Variants in COA8 observed in about 807,000 individuals in gnomAD.
COA8 encodes the protein UPF0671 protein C14orf153.
A neutral mutation model predicts 22.0 loss-of-function variants in COA8; 20 were observed. The observed-to-expected ratio is 0.91, with a 90% confidence interval of 0.64 to 1.32. The LOEUF (loss-of-function observed/expected upper bound fraction) is 1.32. Among genes scored for constraint, COA8 ranks in the 40% most tolerant of loss-of-function variants. COA8 has a pLI of 0.00. For synonymous variants in COA8, 105 were observed against 79.9 expected (o/e 1.31, Z -1.68); for missense variants, 266 against 230.0 (o/e 1.16, Z -1.01).
chr14:103,565,557 C>G (rs1225237439), intron 1 of COA8, among the ~76,000 whole-genome samples: 1 of 151,684 alleles, frequency 6.6e-6, no homozygotes, highest in African/African-American at 2.4e-5. Context: ...CAGAGATACT[C>G]CCTTTTAGTT....
chr14:103,587,390 A>T (rs1326499930), intron 4 of COA8, 26 bp downstream of exon 4: 2 of 1,518,948 alleles, frequency 1.3e-6, no homozygotes, highest in Non-Finnish European at 1.8e-6. Flanking sequence ...TTTCCTGAAA[A>T]TTTGAATAGC....
chr14:103,564,153 A>G (rs1250623499), intron 1 of COA8, among the ~76,000 whole-genome samples: 1 of 73,058 alleles, frequency 1.4e-5, no homozygotes, highest in Non-Finnish European at 3.6e-5. Context: ...CTTCATCTCA[A>G]AAAAAAAAAA....
intron 3 of COA8, among the ~76,000 whole-genome samples, chr14:103,576,709 T>C (rs1276644455): frequency 6.6e-6 from 1 of 152,202 alleles, no homozygotes; most frequent in Non-Finnish European, 1.5e-5. Flanking sequence ...TTATCCCTCC[T>C]AAGTTCAAAG....
At position 103,571,762 on chromosome 14, in the gene COA8, A is replaced by G. The variant is rs748327463; in HGVS notation, c.263A>G (p.Gln88Arg). 2.2e-5 allele frequency: 35 copies of G among 1,614,090 alleles called. No individual in the cohort carries two copies. Among genetic ancestry groups the G allele is most frequent in the Non-Finnish European group, 2.4e-5 (28 of 1,180,042 alleles). Residue 88 changes from glutamine to arginine, a missense_variant, in exon 2 of 5, where the codon CAA becomes CGA. Physicochemically the swap from Gln to Arg is conservative, Grantham distance 43. Transcript: ENST00000409074. ...PLEQKLRKLR[Q>R]ETQEWNQQFW... ...GAACAAAAGCTTAGAAAATTAAGAC[A>G]AGAAACACAAGAATGGAATCAACAG... is the stretch of plus-strand genomic sequence containing the variant.
rs1000965530 is a variant in COA8, at chr14:103,590,584, T to A, written c.*298T>A. 1.2e-4 allele frequency: 30 copies of A among 251,746 alleles called. No individual in the cohort carries two copies. Among genetic ancestry groups the A allele is most frequent in the Middle Eastern group, 2.7e-3 (2 of 742 alleles). 15.6% of individuals were successfully genotyped at this position (251,746 alleles called of 1,614,324 possible). ...TTCAAAACAGAACTATTTAAAAATA[T>A]TGGCCAGGCACGGTGGCTCACACCT... On this transcript the variant is annotated 3_prime_UTR_variant, in exon 5 of 5. Coordinates refer to ENST00000409074, the MANE Select transcript of COA8 (RefSeq NM_001370595.2).
chr14:103,582,362 T>C (rs2076273963), intron 3 of COA8, among the ~76,000 whole-genome samples: 1 of 152,072 alleles, frequency 6.6e-6, no homozygotes, highest in African/African-American at 2.4e-5. Flanking sequence ...GGTCCTGCCC[T>C]GTGGCCTTCC....
chr14:103,577,268 GT>G, intron 3 of COA8, among the ~76,000 whole-genome samples: 1 of 152,090 alleles, frequency 6.6e-6, no homozygotes, highest in South Asian at 2.1e-4. Flanking sequence ...CGTAGACGGA[GT>G]TTCACCATGT....
At chr14:103,586,025 T>C (rs1228434378) in intron 3 of COA8, among the ~76,000 whole-genome samples, 2 of 151,444 alleles carry the variant, frequency 1.3e-5, no homozygotes, top group African/African-American at 4.9e-5. Flanking sequence ...CTCAGCCTCC[T>C]GAGTAGCTGG....
At chr14:103,587,442 C>A in intron 4 of COA8, 78 bp downstream of exon 4, 1 of 870,816 alleles carries the variant, frequency 1.1e-6, no homozygotes, top group Non-Finnish European at 1.8e-6. Flanking sequence ...CTGAATTTAA[C>A]AACATTCATG....
chr14:103,571,575 A>G (rs762161621), intron 1 of COA8, 48 bp from the exon 2 acceptor site: 1 of 1,475,016 alleles, frequency 6.8e-7, no homozygotes, highest in East Asian at 2.3e-5. Context: ...ATTTTATAAT[A>G]CTAGAGATTC....
At chr14:103,574,787 C>T (rs1157840124) in intron 3 of COA8, 18 of 265,236 alleles carry the variant, frequency 6.8e-5, no homozygotes, top group Non-Finnish European at 1.3e-4. Context: ...GTCTTGCGGG[C>T]CCTGGAGAGG....
intron 3 of COA8, among the ~76,000 whole-genome samples, chr14:103,582,803 GTA>G (rs1422670779): frequency 8.2e-6 from 1 of 121,308 alleles, no homozygotes; most frequent in Non-Finnish European, 1.6e-5. Context: ...CTTTTAAACT[GTA>G]TAATTCCATG....
At chr14:103,565,004 A>T (rs2076125689) in intron 1 of COA8, among the ~76,000 whole-genome samples, 3 of 152,106 alleles carry the variant, frequency 2.0e-5, no homozygotes, top group Admixed American at 1.3e-4. Context: ...CCCAGGCTGG[A>T]GTGCAATGGC....
chr14:103,580,118 T>G (rs1850234106), intron 3 of COA8, among the ~76,000 whole-genome samples: 1 of 151,980 alleles, frequency 6.6e-6, no homozygotes, highest in Non-Finnish European at 1.5e-5. Flanking sequence ...GCTCTGCCAC[T>G]CAGGCTGGAG....
At chr14:103,572,845 C>T (rs188208486) in intron 2 of COA8, among the ~76,000 whole-genome samples, 2 of 150,524 alleles carry the variant, frequency 1.3e-5, no homozygotes, top group African/African-American at 4.9e-5. Context: ...TGCAGTGGTG[C>T]GATCTCAGCT....
At chr14:103,564,553 C>A in intron 1 of COA8, among the ~76,000 whole-genome samples, 1 of 139,792 alleles carries the variant, frequency 7.2e-6, no homozygotes. Context: ...AAGGATTTCT[C>A]TATTGTCATA....
intron 2 of COA8, 123 bp downstream of exon 2, chr14:103,571,943 C>T (rs1595139632): frequency 5.3e-6 from 4 of 760,092 alleles, no homozygotes; most frequent in South Asian, 3.6e-5. Flanking sequence ...CTGGCTAACA[C>T]GGTGAAACCC....
chr14:103,569,430 A>G (rs2076163803), intron 1 of COA8, among the ~76,000 whole-genome samples: 1 of 152,248 alleles, frequency 6.6e-6, no homozygotes, highest in Non-Finnish European at 1.5e-5. Flanking sequence ...GTAGATAAAT[A>G]TGGAAAAGTA....
chr14:103,564,408 A>G (rs143699211), intron 1 of COA8, among the ~76,000 whole-genome samples: 27 of 152,176 alleles, frequency 1.8e-4, no homozygotes, highest in African/African-American at 6.3e-4. Flanking sequence ...ATCTTTGGGC[A>G]GAAAGATAGA....
Sources: gnomAD v4.1 joint callset for allele counts (sites outside exome capture counted in the v4.1 genomes callset) on GRCh38, gnomAD v4.1.1 for gene constraint, MANE v1.5 for transcripts, NCBI Gene and HGNC (gene_info 2026-07-23, HGNC 2026-07-21) for gene names.